The following GRM7 variants were observed in gnomAD, a reference collection of about 807,000 sequenced individuals.
The protein encoded by GRM7 is metabotropic glutamate receptor 7.
GRM7 carries 35 observed loss-of-function variants against 84.5 expected under a neutral mutation model. The observed-to-expected ratio is 0.41, with a 90% CI of 0.32 to 0.55. The LOEUF is 0.55. GRM7 is among the 20% of genes least tolerant of loss of function. The probability of loss-of-function intolerance (pLI) is 0.19; values close to 1 mark genes in which losing one functional copy is unlikely to be tolerated. For synonymous variants in GRM7, 487 were observed against 455.1 expected, an observed-to-expected ratio of 1.07 and a Z score of -0.89; for missense variants, 1,003 against 1,194.6, an observed-to-expected ratio of 0.84 and a Z score of 2.36.
chr3:7,506,449 C>T (rs1016676666), intron 7 of GRM7, among the ~76,000 whole-genome samples: 1 of 152,172 alleles, frequency 6.6e-6, no homozygotes, highest in Non-Finnish European at 1.5e-5. Context: ...CCAGCTTCTG[C>T]CCATTACCCA....
chr3:7,182,218 A>C (rs1342457589), intron 2 of GRM7, among the ~76,000 whole-genome samples: 1 of 152,180 alleles, frequency 6.6e-6, no homozygotes, highest in East Asian at 1.9e-4. Context: ...TTTACTGATA[A>C]TGCAAAAAAA....
chr3:7,377,855 A>G (rs958829036), intron 4 of GRM7, among the ~76,000 whole-genome samples: 2 of 152,210 alleles, frequency 1.3e-5, no homozygotes, highest in Non-Finnish European at 2.9e-5. Context: ...AAGTTATTGG[A>G]GGTTACCACT....
intron 1 of GRM7, among the ~76,000 whole-genome samples, chr3:7,003,552 T>C (rs932069659): frequency 2.0e-5 from 3 of 152,200 alleles, no homozygotes; most frequent in Admixed American, 1.3e-4. Context: ...GTCTACATTA[T>C]GACTTTTGCC....
At chr3:7,185,252 T>C (rs1024259248) in intron 2 of GRM7, among the ~76,000 whole-genome samples, 1 of 152,170 alleles carries the variant, frequency 6.6e-6, no homozygotes, top group Non-Finnish European at 1.5e-5. Flanking sequence ...CCTCAACACC[T>C]TCACAGGGAG....
At chr3:7,731,923 T>C (rs1449462664) in intron 9 of GRM7, among the ~76,000 whole-genome samples, 1 of 152,116 alleles carries the variant, frequency 6.6e-6, no homozygotes, top group Non-Finnish European at 1.5e-5. Flanking sequence ...AAGCATCTGT[T>C]ACCTGGCCAC....
intron 1 of GRM7, among the ~76,000 whole-genome samples, chr3:6,959,365 AT>A (rs535661035): frequency 6.6e-6 from 1 of 152,032 alleles, no homozygotes; most frequent in Non-Finnish European, 1.5e-5. Context: ...TCAAAACTAG[AT>A]TTTTTTTCCT....
chr3:6,894,738 AT>A (rs1696112109), intron 1 of GRM7, among the ~76,000 whole-genome samples: 1 of 152,180 alleles, frequency 6.6e-6, no homozygotes, highest in African/African-American at 2.4e-5. Flanking sequence ...TGACTTTAGG[AT>A]AAAATCAAGC....
At chr3:7,107,824 A>G (rs920428032) in intron 1 of GRM7, among the ~76,000 whole-genome samples, 12 of 152,088 alleles carry the variant, frequency 7.9e-5, no homozygotes, top group Non-Finnish European at 1.3e-4. Context: ...GGAAAATTAG[A>G]TTTGTTAATT....
At position 7,489,855 on chromosome 3, in the gene GRM7, T is replaced by C. The variant is rs527278798; in HGVS notation, c.1515+28133T>C. 1.6e-3 allele frequency among the ~76,000 whole-genome samples: 246 copies of C among 151,968 alleles called. 1 individual carries two copies. Among genetic ancestry groups the C allele is most frequent in the African/African-American group, 5.5e-3 (230 of 41,506 alleles). On this transcript the variant is annotated intron_variant, in intron 7 of 9. Transcript: ENST00000357716. Reference sequence around the variant, plus strand: ...AATACAGGCAGCAGAAAACAGCATATTATAAATAATAAATATATGACATAT... The same window carrying C: ...AATACAGGCAGCAGAAAACAGCATACTATAAATAATAAATATATGACATAT...
chr3:7,621,200 G>T (rs1275652884), intron 8 of GRM7, among the ~76,000 whole-genome samples: 1 of 152,080 alleles, frequency 6.6e-6, no homozygotes, highest in Non-Finnish European at 1.5e-5. Flanking sequence ...ACATTTGTTT[G>T]AAATGAGGAG....
intron 1 of GRM7, among the ~76,000 whole-genome samples, chr3:6,895,466 T>A (rs1370237982): frequency 6.6e-6 from 1 of 152,162 alleles, no homozygotes; most frequent in African/African-American, 2.4e-5. Context: ...CTACCAAACT[T>A]ATTTTTTTCT....
intron 9 of GRM7, chr3:7,681,888 T>C (rs1186760771): frequency 2.0e-5 from 3 of 152,218 alleles, no homozygotes; most frequent in Non-Finnish European, 1.5e-5. Context: ...GAAAATACTA[T>C]ATCAACTAAA....
chr3:7,572,317 T>C (rs1694705134), intron 7 of GRM7, among the ~76,000 whole-genome samples: 1 of 152,162 alleles, frequency 6.6e-6, no homozygotes, highest in African/African-American at 2.4e-5. Context: ...ATTTAATTTA[T>C]CTGGGGTGTG....
chr3:7,562,418 TAG>T (rs1382158215), intron 7 of GRM7, among the ~76,000 whole-genome samples: 2 of 151,956 alleles, frequency 1.3e-5, no homozygotes, highest in Non-Finnish European at 2.9e-5. Flanking sequence ...CTCTCAAATA[TAG>T]AGTCATATTT....
chr3:7,207,666 T>C (rs574822924), intron 2 of GRM7, among the ~76,000 whole-genome samples: 1 of 152,232 alleles, frequency 6.6e-6, no homozygotes, highest in Admixed American at 6.5e-5. Context: ...CAATATCAAG[T>C]GAAGGATTCT....
chr3:7,412,370 A>G (rs1197902302), intron 4 of GRM7, among the ~76,000 whole-genome samples: 1 of 152,214 alleles, frequency 6.6e-6, no homozygotes, highest in African/African-American at 2.4e-5. Context: ...TTATCCTGGC[A>G]GAGCAGACAG....
At chr3:6,884,885 A>G (rs1475122375) in intron 1 of GRM7, among the ~76,000 whole-genome samples, 1 of 152,172 alleles carries the variant, frequency 6.6e-6, no homozygotes, top group African/African-American at 2.4e-5. Flanking sequence ...GGCGTGAGCC[A>G]CCGCGCCCGG....
At chr3:7,720,475 T>C (rs1371312054) in intron 9 of GRM7, among the ~76,000 whole-genome samples, 2 of 152,058 alleles carry the variant, frequency 1.3e-5, no homozygotes, top group African/African-American at 4.8e-5. Context: ...AGAAGGAAGG[T>C]GATGTTGAAT....
chr3:7,461,634 GT>G lies in GRM7; in HGVS notation c.1429del (p.Tyr477MetfsTer18). 6.2e-7 allele frequency: 1 copy of G among 1,612,542 alleles called. No individual in the cohort carries two copies. On this transcript the variant is annotated frameshift_variant, in exon 7 of 10. Transcript: ENST00000357716. LOFTEE classifies it high-confidence loss of function. ...MFNKNGDAPG[R>X]YDIFQYQTTN... is the part of the protein sequence containing the mutation. ...AACAAGAACGGGGATGCACCTGGGCGTTATGACATCTTTCAGTACCAGACCA... is the reference window on the plus strand; with the variant it reads ...AACAAGAACGGGGATGCACCTGGGCGTATGACATCTTTCAGTACCAGACCA...
Sources: gnomAD v4.1 joint callset for allele counts (sites outside exome capture counted in the v4.1 genomes callset) on GRCh38, gnomAD v4.1.1 for gene constraint, MANE v1.5 for transcripts, NCBI Gene and HGNC (gene_info 2026-07-23, HGNC 2026-07-21) for gene names.